ZDHHC5: variants seen among roughly 807,000 people sequenced by gnomAD.
ZDHHC5 encodes palmitoyltransferase ZDHHC5.
ZDHHC5 carries 22 observed loss-of-function variants against 70.0 expected under a neutral mutation model. The ratio of observed to expected loss-of-function variants is 0.31; its 90% CI spans 0.22 to 0.45. ZDHHC5 has a LOEUF of 0.45. Ranked by LOEUF, ZDHHC5 falls within the 20% of genes least tolerant of loss-of-function variation. The probability of loss-of-function intolerance (pLI) is 1.00; values close to 1 mark genes in which losing one functional copy is unlikely to be tolerated. For missense variants in ZDHHC5, 746 were observed against 926.9 expected, an observed-to-expected ratio of 0.80 and a Z score of 2.53; for synonymous variants, 313 against 347.8, an observed-to-expected ratio of 0.90 and a Z score of 1.11.
intron 6 of ZDHHC5, among the ~76,000 whole-genome samples, chr11:57,691,448 C>T (rs1946284076): frequency 6.6e-6 from 1 of 152,120 alleles, no homozygotes; most frequent in African/African-American, 2.4e-5. Flanking sequence ...CCGCCCACCT[C>T]GGCCTCCCAA....
chr11:57,699,776 C>G, intron 11 of ZDHHC5, 90 bp from the exon 12 acceptor site: 1 of 1,505,852 alleles, frequency 6.6e-7, no homozygotes, highest in East Asian at 2.3e-5. Flanking sequence ...AAAAGAACAT[C>G]ATTTTTTTCT....
At chr11:57,691,022 A>T (rs562763069) in intron 6 of ZDHHC5, among the ~76,000 whole-genome samples, 6 of 152,260 alleles carry the variant, frequency 3.9e-5, no homozygotes, top group African/African-American at 1.4e-4. Flanking sequence ...TCTCAAAGAG[A>T]TACTAAGACA....
At position 57,668,192 on chromosome 11, in the gene ZDHHC5, G is replaced by A. The variant is rs1301375249; in HGVS notation, c.-1071+5G>A. 2.7e-6 allele frequency: 1 copy of A among 364,458 alleles called. No individual in the cohort carries two copies. Among genetic ancestry groups the A allele is most frequent in the Non-Finnish European group, 4.9e-6 (1 of 204,324 alleles). 22.6% of individuals were successfully genotyped at this position (364,458 alleles called of 1,614,324 possible). On this transcript the variant is annotated splice_donor_5th_base_variant and intron_variant, in intron 1 of 11. Coordinates refer to ENST00000287169, the MANE Select transcript of ZDHHC5 (RefSeq NM_015457.3). ...TGACGGGCACCGGGCTCGCGGGTGAGTGCGGAGGACACCGGTCCCTGCGGA... is the reference window on the plus strand; with the variant it reads ...TGACGGGCACCGGGCTCGCGGGTGAATGCGGAGGACACCGGTCCCTGCGGA...
In ZDHHC5 at chr11:57,669,273, C is replaced by T. The variant is rs564280581; in HGVS notation, c.-1071+1086C>T. 1.5e-3 allele frequency among the ~76,000 whole-genome samples: 226 copies of T among 152,318 alleles called. No individual in the cohort carries two copies. The Middle Eastern group carries it at 0.031, about 21-fold the overall frequency. ...TTAGATTTACTCTATTGTACTGTTA[C>T]ACCGCTTATTTCAACAAAAAATAGT... On this transcript the variant is annotated intron_variant, in intron 1 of 11. Transcript: ENST00000287169.
At chr11:57,676,060 G>A (rs1035701454) in intron 2 of ZDHHC5, among the ~76,000 whole-genome samples, 4 of 152,222 alleles carry the variant, frequency 2.6e-5, no homozygotes, top group Admixed American at 6.5e-5. Context: ...AGAGGAATGC[G>A]AGTAGGAGGG....
At chr11:57,676,122 CTAGT>C (rs1293632416) in intron 2 of ZDHHC5, among the ~76,000 whole-genome samples, 2 of 152,216 alleles carry the variant, frequency 1.3e-5, no homozygotes. Context: ...TAGACTTCAA[CTAGT>C]TAGGAACAAT....
In ZDHHC5 at chr11:57,698,146, CACAA is replaced by C. The variant is rs768577442; in HGVS notation, c.1123-407_1123-404del. On this transcript the variant is annotated intron_variant, in intron 10 of 11. Transcript: ENST00000287169. ...ACACACACACACACACACACACACA[CACAA>C]ACAAATGCCAACTGTTACGGGAAAA... is the stretch of plus-strand genomic sequence containing the variant. 6.0e-4 allele frequency among the ~76,000 whole-genome samples: 91 copies of C among 151,584 alleles called. 1 individual carries two copies. Among genetic ancestry groups the C allele is most frequent in the Non-Finnish European group, 9.4e-4 (64 of 67,864 alleles).
At chr11:57,696,552 C>A (rs773192177) in intron 9 of ZDHHC5, among the ~76,000 whole-genome samples, 24 of 151,924 alleles carry the variant, frequency 1.6e-4, no homozygotes, top group Non-Finnish European at 2.5e-4. Context: ...TCTGTCTCTA[C>A]AAAAAATTTA....
rs763250546 is a variant in ZDHHC5, at chr11:57,699,906, G to A, written c.2023G>A (p.Gly675Arg). ...QLKTTYSKSN[G>R]QPKSLGSASP... ...GAAGACCACCTACAGCAAATCCAACGGGCAGCCCAAGAGCTTAGGCTCAGC... is the reference window on the plus strand; with the variant it reads ...GAAGACCACCTACAGCAAATCCAACAGGCAGCCCAAGAGCTTAGGCTCAGC... The change falls in exon 12 of 12, where the codon GGG (glycine) becomes AGG (arginine). Residue 675 changes from glycine to arginine, a missense_variant. Physicochemically the swap from Gly to Arg is moderately radical, Grantham distance 125. Transcript: ENST00000287169. The A allele has an allele frequency of 4.1e-5, 66 of 1,614,088 alleles. No individual in the cohort carries two copies. In the South Asian group the frequency reaches 5.7e-4, roughly 14 times the overall value.
Position 57,688,383 on chromosome 11 carries a change from C to G in ZDHHC5, c.227-125C>G. 3 of 1,128,824 alleles carry G rather than the reference C, an allele frequency of 2.7e-6. No homozygotes were observed. The South Asian group carries it at 6.6e-5, about 25-fold the overall frequency. The allele number at this position is 1,128,824 out of a possible 1,614,324, so 69.9% of individuals were successfully genotyped here. A position where few individuals can be genotyped will look rare whatever the true frequency, so the allele number is the denominator to read the frequency against. ...CCTCACAGTCTTATAGTTCCTAGTT[C>G]CTAGTCTCACTCATTAGACTGTGAA... On this transcript the variant is annotated intron_variant, in intron 3 of 11. Coordinates refer to ENST00000287169, the MANE Select transcript of ZDHHC5 (RefSeq NM_015457.3).
rs1023894951 is a variant in ZDHHC5, at chr11:57,687,651, T to C, written c.227-857T>C. ...TTGAAATGGGATGGTGGGTTTCTGA[T>C]AGCTGAAAATTGAGAGAAAGGGCAT... On this transcript the variant is annotated intron_variant, in intron 3 of 11. Transcript: ENST00000287169. Among the ~76,000 whole-genome samples the C allele has an allele frequency of 2.0e-5, 3 of 151,312 alleles. No individual in the cohort carries two copies. In the South Asian group the frequency reaches 6.2e-4, roughly 31 times the overall value.
In ZDHHC5 at chr11:57,697,580, T is replaced by C. The variant is rs1590872324; in HGVS notation, c.1122+707T>C. 5.3e-5 allele frequency among the ~76,000 whole-genome samples: 7 copies of C among 131,196 alleles called. No homozygotes were observed. The South Asian group carries it at 1.5e-3, about 27-fold the overall frequency. The allele number at this position is 131,196 out of a possible 152,430, so 86.1% of individuals were successfully genotyped here. ...ATCACTTGAATCTGGGAGGTGGAGGTGGCAGTGAGTCGAGATTGCGCCACT... is the reference window on the plus strand; with the variant it reads ...ATCACTTGAATCTGGGAGGTGGAGGCGGCAGTGAGTCGAGATTGCGCCACT... On this transcript the variant is annotated intron_variant, in intron 10 of 11. Transcript: ENST00000287169.
At chr11:57,671,789 C>T (rs1175750014) in intron 1 of ZDHHC5, among the ~76,000 whole-genome samples, 1 of 152,136 alleles carries the variant, frequency 6.6e-6, no homozygotes, top group African/African-American at 2.4e-5. Flanking sequence ...CCTTTGATGT[C>T]CTTTGGCCAG....
intron 2 of ZDHHC5, among the ~76,000 whole-genome samples, chr11:57,677,840 T>C (rs1946091802): frequency 6.9e-6 from 1 of 145,150 alleles, no homozygotes; most frequent in Non-Finnish European, 1.6e-5. Context: ...AATGGAGCAG[T>C]GGTTGTGCCT....
At chr11:57,696,309 C>G (rs748899205) in intron 9 of ZDHHC5, among the ~76,000 whole-genome samples, 4 of 152,194 alleles carry the variant, frequency 2.6e-5, no homozygotes, top group Non-Finnish European at 4.4e-5. Flanking sequence ...TGCATTTACC[C>G]ACCCTGAATT....
intron 7 of ZDHHC5, 117 bp downstream of exon 7, chr11:57,692,819 G>A: frequency 6.1e-6 from 6 of 981,806 alleles, no homozygotes; most frequent in Non-Finnish European, 9.1e-6. Flanking sequence ...CTCTATCTTA[G>A]AATGTTAAGT....
At chr11:57,683,235 C>A (rs1414932305) in intron 3 of ZDHHC5, among the ~76,000 whole-genome samples, 2 of 152,308 alleles carry the variant, frequency 1.3e-5, no homozygotes, top group East Asian at 3.9e-4. Flanking sequence ...ATAGATCATA[C>A]ATTTTCCTTT....
At chr11:57,678,519 C>T (rs1271664571) in intron 2 of ZDHHC5, among the ~76,000 whole-genome samples, 1 of 144,480 alleles carries the variant, frequency 6.9e-6, no homozygotes, top group East Asian at 2.1e-4. Context: ...TGCAGTGAGC[C>T]GAGATCGCGT....
intron 3 of ZDHHC5, among the ~76,000 whole-genome samples, chr11:57,687,200 A>AT (rs1390309385): frequency 3.3e-5 from 5 of 152,102 alleles, no homozygotes; most frequent in Non-Finnish European, 5.9e-5. Flanking sequence ...AATCAGTAAA[A>AT]TTTGAAAACT....
Sources: allele counts gnomAD v4.1 joint callset (sites outside exome capture counted in the v4.1 genomes callset), GRCh38; gene constraint gnomAD v4.1.1; transcripts MANE v1.5; gene names NCBI Gene and HGNC (gene_info 2026-07-23, HGNC 2026-07-21).